The following BAZ2B variants were observed in gnomAD, a reference collection of about 807,000 sequenced individuals.
BAZ2B encodes bromodomain adjacent to zinc finger domain 2B, also known as bromodomain adjacent to zinc finger domain protein 2B.
BAZ2B carries 91 observed loss-of-function variants against 246.0 expected under a neutral mutation model. The ratio of observed to expected loss-of-function variants is 0.37; its 90% CI spans 0.31 to 0.44. The LOEUF (loss-of-function observed/expected upper bound fraction) is 0.44, where lower values mean the gene tolerates loss of function less well. Among genes scored for constraint, BAZ2B ranks in the 20% least tolerant of loss-of-function variants. The probability of loss-of-function intolerance (pLI) is 1.00; values close to 1 mark genes in which losing one functional copy is unlikely to be tolerated. For missense variants in BAZ2B, 2,332 were observed against 2,533.7 expected, an observed-to-expected ratio of 0.92 and a Z score of 1.71; for synonymous variants, 855 against 860.0, an observed-to-expected ratio of 0.99 and a Z score of 0.10.
intron 2 of BAZ2B, among the ~76,000 whole-genome samples, chr2:159,485,651 G>A (rs576722088): frequency 6.6e-6 from 1 of 152,032 alleles, no homozygotes; most frequent in Admixed American, 6.5e-5. Context: ...AATTAAACCA[G>A]CTCTCAAGTT....
intron 13 of BAZ2B, among the ~76,000 whole-genome samples, chr2:159,415,375 G>T (rs1331917578): frequency 6.8e-6 from 1 of 147,090 alleles, no homozygotes; most frequent in Admixed American, 7.1e-5. Context: ...AACCCAGGGG[G>T]TGGAGGTTGC....
Position 159,386,344 on chromosome 2 carries a change from T to C in BAZ2B, c.3471+9A>G, listed in dbSNP as rs2062660159. 6.3e-7 allele frequency: 1 copy of C among 1,598,732 alleles called. No individual in the cohort carries two copies. The highest frequency in any genetic ancestry group is 1.1e-5 in the South Asian group (1 of 88,338). On this transcript the variant is annotated intron_variant, in intron 22 of 36. Coordinates refer to ENST00000392783, the MANE Select transcript of BAZ2B (RefSeq NM_013450.4). ...AATTTAAAACATTTTATATTTTGTT[T>C]TTTTTTACCTTGTATCCTGTTATTA...
the BAZ2B span, among the ~76,000 whole-genome samples, chr2:159,705,917 C>T: frequency 7.4e-5 from 10 of 134,476 alleles, no homozygotes; most frequent in African/African-American, 2.1e-4. Flanking sequence ...ATATCTATTA[C>T]AAACCAAAAG....
At chr2:159,648,248 C>T in the BAZ2B span, among the ~76,000 whole-genome samples, 1 of 152,130 alleles carries the variant, frequency 6.6e-6, no homozygotes, top group South Asian at 2.1e-4. Flanking sequence ...AGAGATTCTC[C>T]TGCCTCAGCC....
At chr2:159,327,975 G>T (rs2063969385) in intron 34 of BAZ2B, among the ~76,000 whole-genome samples, 1 of 143,372 alleles carries the variant, frequency 7.0e-6, no homozygotes, top group African/African-American at 2.6e-5. Context: ...TGAGGCACAA[G>T]AATCACTTGA....
chr2:159,574,992 A>G (rs1684960766), intron 1 of BAZ2B, among the ~76,000 whole-genome samples: 1 of 152,146 alleles, frequency 6.6e-6, no homozygotes, highest in African/African-American at 2.4e-5. Flanking sequence ...AAAGAAAAGA[A>G]AGAAAAAAGA....
chr2:159,394,610 C>A (rs1008183533), intron 20 of BAZ2B, among the ~76,000 whole-genome samples: 1 of 152,148 alleles, frequency 6.6e-6, no homozygotes, highest in African/African-American at 2.4e-5. Context: ...CTAAGAGGTA[C>A]TCTATGTCAG....
At chr2:159,405,781 A>G (rs1468766339) in intron 14 of BAZ2B, among the ~76,000 whole-genome samples, 5 of 152,170 alleles carry the variant, frequency 3.3e-5, no homozygotes, top group African/African-American at 1.2e-4. Flanking sequence ...TAATATTTTA[A>G]GACTTGTAAT....
intron 1 of BAZ2B, among the ~76,000 whole-genome samples, chr2:159,582,744 A>T (rs756242350): frequency 8.5e-5 from 13 of 152,232 alleles, no homozygotes; most frequent in Non-Finnish European, 1.5e-4. Context: ...TTTTATAAAT[A>T]TGAAATTTAA....
intron 2 of BAZ2B, among the ~76,000 whole-genome samples, chr2:159,519,900 G>A (rs2083944278): frequency 6.6e-6 from 1 of 151,222 alleles, no homozygotes. Flanking sequence ...CAACAGCTGG[G>A]AGTCCAATCT....
At chr2:159,702,992 C>T in the BAZ2B span, among the ~76,000 whole-genome samples, 1 of 151,828 alleles carries the variant, frequency 6.6e-6, no homozygotes, top group Admixed American at 6.6e-5. Context: ...TGCAGTGAGC[C>T]GAGATTGCAC....
rs376501398 is a variant in BAZ2B at position 159,530,597 on chromosome 2, A to T, written c.-3+25226T>A. Among the ~76,000 whole-genome samples, 7 of 152,324 alleles carry T rather than the reference A, an allele frequency of 4.6e-5. No homozygotes were observed. In the South Asian group the frequency reaches 1.4e-3, roughly 32 times the overall value. On this transcript the variant is annotated intron_variant, in intron 2 of 36. Coordinates refer to ENST00000392783, the MANE Select transcript of BAZ2B (RefSeq NM_013450.4). Reference sequence around the variant, plus strand: ...ATAAAATATTTATTGAGGAATAACAACAGAGTTATGCATATATAACTTTAT... The same window carrying T: ...ATAAAATATTTATTGAGGAATAACATCAGAGTTATGCATATATAACTTTAT...
chr2:159,438,401 T>C lies in BAZ2B; in HGVS notation c.1195A>G (p.Met399Val), dbSNP rs1321029613. The C allele has an allele frequency of 4.3e-6, 7 of 1,614,204 alleles. No individual in the cohort carries two copies. The highest frequency in any genetic ancestry group is 1.6e-4 in the Middle Eastern group (1 of 6,062). ...TCAGGAGAAGGAACTATGAGTTTCA[T>C]GTAAGTTTCCTTTTTGGCTTGATTT... is the stretch of plus-strand genomic sequence containing the variant. ...LVNQAKKETY[M>V]KLIVPSPDVL... Residue 399 changes from methionine (M) to valine (V), a missense_variant, in exon 8 of 37, where the codon ATG (methionine) becomes GTG (valine). Physicochemically the swap from Met to Val is conservative, Grantham distance 21. Coordinates refer to ENST00000392783, the MANE Select transcript of BAZ2B (RefSeq NM_013450.4).
At chr2:159,565,773 A>G (rs35302519) in intron 1 of BAZ2B, among the ~76,000 whole-genome samples, 16,456 of 108,742 alleles carry the variant, frequency 0.15, 1,148 homozygotes, top group Middle Eastern at 0.29. Flanking sequence ...TGAGACTCCC[A>G]TCTCAAAAAA....
chr2:159,527,802 AC>A (rs2151299725), intron 2 of BAZ2B, among the ~76,000 whole-genome samples: 1 of 152,308 alleles, frequency 6.6e-6, no homozygotes, highest in East Asian at 1.9e-4. Flanking sequence ...TTTTTATTTC[AC>A]TATTTTCAGT....
At chr2:159,642,640 T>C in the BAZ2B span, among the ~76,000 whole-genome samples, 1 of 152,096 alleles carries the variant, frequency 6.6e-6, no homozygotes, top group Non-Finnish European at 1.5e-5. Flanking sequence ...GAATAAATTA[T>C]AGAAAAATGA....
At chr2:159,317,300 G>A (rs1361934283), downstream of BAZ2B, among the ~76,000 whole-genome samples, 1 of 152,018 alleles carries the variant, frequency 6.6e-6, no homozygotes. Flanking sequence ...AGCATGGAGG[G>A]GTACATTAAG....
chr2:159,521,371 G>A (rs2084111757), intron 2 of BAZ2B, among the ~76,000 whole-genome samples: 1 of 151,920 alleles, frequency 6.6e-6, no homozygotes, highest in African/African-American at 2.4e-5. Context: ...AAAACAAAAT[G>A]GAAAGAGTAA....
the BAZ2B span, among the ~76,000 whole-genome samples, chr2:159,688,468 C>T: frequency 6.6e-6 from 1 of 152,118 alleles, no homozygotes; most frequent in Non-Finnish European, 1.5e-5. Flanking sequence ...TTCCCTTTTA[C>T]TCCTTAATAT....
Sources: gnomAD v4.1 joint callset for allele counts (sites outside exome capture counted in the v4.1 genomes callset) on GRCh38, gnomAD v4.1.1 for gene constraint, MANE v1.5 for transcripts, NCBI Gene and HGNC (gene_info 2026-07-23, HGNC 2026-07-21) for gene names.